The following MTF2 variants were observed in gnomAD, a reference collection of about 807,000 sequenced individuals.
MTF2 encodes the protein metal response element binding transcription factor 2, also known as metal-response element-binding transcription factor 2.
A neutral mutation model predicts 79.5 loss-of-function variants in MTF2; 11 were observed. The observed-to-expected ratio is 0.14, with a 90% confidence interval of 0.09 to 0.23. MTF2 has a LOEUF of 0.23. MTF2 is among the 10% of genes least tolerant of loss of function. The pLI, the probability that MTF2 is intolerant of heterozygous loss-of-function variation, is 1.00. For synonymous variants in MTF2, 208 were observed against 232.8 expected (o/e 0.89, Z 0.97); for missense variants, 486 against 711.2 (o/e 0.68, Z 3.60).
In MTF2 at chr1:93,104,881, G is replaced by T. The variant is rs533709472; in HGVS notation, c.6-5349G>T. On this transcript the variant is annotated intron_variant, in intron 1 of 14. Coordinates refer to ENST00000370298, the MANE Select transcript of MTF2 (RefSeq NM_007358.4). The stretch of plus-strand genomic sequence containing the variant: ...ATAAGAGACAGACATTCTCGGCCGG[G>T]CGCGGTGGCTCACGCCTGTAATCCC... 4.6e-5 allele frequency among the ~76,000 whole-genome samples: 7 copies of T among 152,118 alleles called. No individual in the cohort carries two copies. The South Asian group carries it at 1.5e-3, about 32-fold the overall frequency.
chr1:93,120,301 G>GAAAAAAA (rs11414632), intron 8 of MTF2: 2 of 103,280 alleles, frequency 1.9e-5, no homozygotes, highest in South Asian at 1.3e-4. Context: ...CTGTCTCCAA[G>GAAAAAAA]AAAAAAAAAA....
intron 3 of MTF2, among the ~76,000 whole-genome samples, chr1:93,114,186 T>A (rs1408717598): frequency 1.3e-5 from 2 of 152,216 alleles, no homozygotes; most frequent in African/African-American, 4.8e-5. Flanking sequence ...TTCAACCTGT[T>A]TAATAAATTA....
rs753181098 is a variant in MTF2 at position 93,134,118 on chromosome 1, C to G, written c.1347C>G (p.Ser449=). 6.2e-7 allele frequency: 1 copy of G among 1,613,116 alleles called. No individual in the cohort carries two copies. The change falls in exon 14 of 15, where the codon TCC becomes TCG. Residue 449 remains serine, a synonymous_variant. Transcript: ENST00000370298. ...GAACTGAGGGAACTGCACATTCATC[C>G]AATACCTCAGATGTGGATTTCACGG... The part of the protein sequence containing the change: ...IGRTEGTAHS[S]NTSDVDFTGA...
At chr1:93,082,117 T>C (rs1654630378) in intron 1 of MTF2, among the ~76,000 whole-genome samples, 1 of 152,178 alleles carries the variant, frequency 6.6e-6, no homozygotes, top group African/African-American at 2.4e-5. Flanking sequence ...AAGATTCTGC[T>C]TCTGTGTCAA....
At chr1:93,107,725 G>A (rs550623384) in intron 1 of MTF2, among the ~76,000 whole-genome samples, 7 of 149,960 alleles carry the variant, frequency 4.7e-5, no homozygotes, top group Middle Eastern at 3.4e-3. Context: ...TTTTTCGTTT[G>A]TTCTTGTGAA....
intron 11 of MTF2, among the ~76,000 whole-genome samples, chr1:93,131,345 G>T (rs1571254661): frequency 6.6e-6 from 1 of 152,154 alleles, no homozygotes; most frequent in East Asian, 1.9e-4. Flanking sequence ...AATATTTATT[G>T]CATAAGGTAT....
rs544784669 is a variant in MTF2, at chr1:93,106,351, A to G, written c.6-3879A>G. On this transcript the variant is annotated intron_variant, in intron 1 of 14. Coordinates refer to ENST00000370298, the MANE Select transcript of MTF2 (RefSeq NM_007358.4). ...GAAACTGGGAATGTTTGCAATTTTT[A>G]TTTTTGTACAGTTTCTACTTTGGAA... Among the ~76,000 whole-genome samples the G allele has an allele frequency of 3.3e-5, 5 of 152,166 alleles. No individual in the cohort carries two copies. The East Asian group carries it at 9.7e-4, about 29-fold the overall frequency.
At chr1:93,084,738 C>G (rs1244061978) in intron 1 of MTF2, among the ~76,000 whole-genome samples, 1 of 152,072 alleles carries the variant, frequency 6.6e-6, no homozygotes, top group Non-Finnish European at 1.5e-5. Flanking sequence ...GCACGGTGGT[C>G]CCAGCTACTC....
At chr1:93,082,274 T>G (rs1654638293) in intron 1 of MTF2, among the ~76,000 whole-genome samples, 1 of 66,048 alleles carries the variant, frequency 1.5e-5, no homozygotes, top group East Asian at 4.3e-4. Context: ...GTAACCATTC[T>G]TTTTTTTTTT....
chr1:93,084,366 G>A (rs1006967004), intron 1 of MTF2, among the ~76,000 whole-genome samples: 12 of 152,154 alleles, frequency 7.9e-5, no homozygotes, highest in Non-Finnish European at 1.3e-4. Context: ...ACTTAGGACT[G>A]TACCATAATA....
Position 93,102,341 on chromosome 1 carries a change from A to G in MTF2, c.6-7889A>G, listed in dbSNP as rs1247726165. 3.3e-5 allele frequency among the ~76,000 whole-genome samples: 5 copies of G among 152,138 alleles called. No homozygotes were observed. In the East Asian group the frequency reaches 9.7e-4, roughly 29 times the overall value. The stretch of plus-strand genomic sequence containing the variant: ...AGGCTGGGCGTGGTGGCTCATGCTT[A>G]TAATCCCAGCACTTTGGGAGGCCAA... On this transcript the variant is annotated intron_variant, in intron 1 of 14. Coordinates refer to ENST00000370298, the MANE Select transcript of MTF2 (RefSeq NM_007358.4).
chr1:93,125,122 A>T (rs1434433040), intron 9 of MTF2, among the ~76,000 whole-genome samples: 1 of 152,010 alleles, frequency 6.6e-6, no homozygotes, highest in Non-Finnish European at 1.5e-5. Flanking sequence ...GTCAGAAAGT[A>T]AAAAAGTGGG....
At chr1:93,106,473 T>A (rs1330228059) in intron 1 of MTF2, among the ~76,000 whole-genome samples, 7 of 152,044 alleles carry the variant, frequency 4.6e-5, no homozygotes, top group Admixed American at 4.6e-4. Flanking sequence ...TTTTTTTTTT[T>A]AACTGAAGGG....
At chr1:93,098,381 A>G (rs1341135954) in intron 1 of MTF2, among the ~76,000 whole-genome samples, 1 of 152,140 alleles carries the variant, frequency 6.6e-6, no homozygotes, top group African/African-American at 2.4e-5. Context: ...TTTGGTGTGC[A>G]CACGTGTTTC....
At chr1:93,101,366 CT>C (rs71586777) in intron 1 of MTF2, among the ~76,000 whole-genome samples, 8,035 of 108,126 alleles carry the variant, frequency 0.074, 294 homozygotes, top group Non-Finnish European at 0.095. Context: ...CTATCTTAAC[CT>C]TTTTTTTTTT....
intron 9 of MTF2, among the ~76,000 whole-genome samples, chr1:93,122,277 C>A (rs1222752421): frequency 6.6e-6 from 1 of 152,050 alleles, no homozygotes; most frequent in African/African-American, 2.4e-5. Flanking sequence ...CATATGTATA[C>A]CTGTTAGTAC....
At chr1:93,101,569 T>TTTTTTTTTTTG (rs1491350150) in intron 1 of MTF2, among the ~76,000 whole-genome samples, 1 of 39,550 alleles carries the variant, frequency 2.5e-5, no homozygotes, top group African/African-American at 1.4e-4. Flanking sequence ...CTCAGGCTGG[T>TTTTTTTTTTTG]TTTTTTTTTT....
chr1:93,119,095 G>A (rs139571370), intron 7 of MTF2, among the ~76,000 whole-genome samples: 150 of 152,250 alleles, frequency 9.9e-4, no homozygotes, highest in African/African-American at 3.5e-3. Context: ...GAACTTTGAA[G>A]GTCTCCAATG....
At chr1:93,106,224 A>T (rs1168509009) in intron 1 of MTF2, among the ~76,000 whole-genome samples, 1 of 152,206 alleles carries the variant, frequency 6.6e-6, no homozygotes, top group African/African-American at 2.4e-5. Flanking sequence ...TGACCTAAGG[A>T]TGTGCTATGC....
Sources: allele counts gnomAD v4.1 joint callset (sites outside exome capture counted in the v4.1 genomes callset), GRCh38; gene constraint gnomAD v4.1.1; transcripts MANE v1.5; gene names NCBI Gene and HGNC (gene_info 2026-07-23, HGNC 2026-07-21).